PPP2R3C: variants seen among roughly 807,000 people sequenced by gnomAD.
PPP2R3C encodes protein phosphatase 2 regulatory subunit B''gamma.
A neutral mutation model predicts 63.7 loss-of-function variants in PPP2R3C; 47 were observed. That is an observed-to-expected ratio of 0.74 (90% confidence interval 0.58 to 0.94). The LOEUF (loss-of-function observed/expected upper bound fraction) is 0.94. Ranked by LOEUF, PPP2R3C falls within the 40% of genes least tolerant of loss-of-function variation. PPP2R3C has a pLI of 0.00. For missense variants in PPP2R3C, 421 were observed against 518.4 expected, an observed-to-expected ratio of 0.81 and a Z score of 1.82; for synonymous variants, 180 against 177.4, an observed-to-expected ratio of 1.01 and a Z score of -0.12.
chr14:35,110,711 G>A (rs2046527282), intron 2 of PPP2R3C, 82 bp from the exon 3 acceptor site: 1 of 837,024 alleles, frequency 1.2e-6, no homozygotes, highest in Admixed American at 2.5e-5. Context: ...TAAAATAACT[G>A]TATGCCACCG....
rs777274757 is a variant in PPP2R3C at position 35,085,697 on chromosome 14, T to C, written c.1255A>G (p.Thr419Ala). 2 of 1,612,544 alleles carry C rather than the reference T, an allele frequency of 1.2e-6. No individual in the cohort carries two copies. Among genetic ancestry groups the C allele is most frequent in the East Asian group, 4.5e-5 (2 of 44,862 alleles). The stretch of plus-strand genomic sequence containing the variant: ...AAATCGATTAGAATGGTGGTTACTG[T>C]GTCTCCTTGATTACTGTTGATTAAA... ...QDLINSNQGD[T>A]VTTILIDLNG... Residue 419 changes from threonine (T) to alanine (A), a missense_variant, in exon 13 of 13, where the codon ACA (threonine) becomes GCA (alanine). Thr to Ala is a moderately conservative substitution (Grantham distance 58). Around this residue, in one of 3 missense-constraint regions of PPP2R3C, gnomAD observed 231 missense variants for 264.8 expected, o/e 0.87. Coordinates refer to ENST00000261475, the MANE Select transcript of PPP2R3C (RefSeq NM_017917.4).
At chr14:35,120,129 G>A (rs1275530207) in intron 1 of PPP2R3C, among the ~76,000 whole-genome samples, 1 of 151,714 alleles carries the variant, frequency 6.6e-6, no homozygotes, top group African/African-American at 2.4e-5. Flanking sequence ...TTGAGCCACC[G>A]CGCCCGGCAT....
intron 6 of PPP2R3C, among the ~76,000 whole-genome samples, chr14:35,103,036 C>T (rs1373344914): frequency 3.3e-5 from 5 of 152,174 alleles, no homozygotes; most frequent in Admixed American, 6.6e-5. Flanking sequence ...GCTGGGATTA[C>T]GGGCATGAGC....
intron 6 of PPP2R3C, chr14:35,099,945 G>A: frequency 6.5e-6 from 1 of 153,618 alleles, no homozygotes. Flanking sequence ...TCACCATGTT[G>A]GCCAGGATGG....
chr14:35,087,836 A>G, intron 12 of PPP2R3C, 115 bp downstream of exon 12: 1 of 798,376 alleles, frequency 1.3e-6, no homozygotes, highest in Non-Finnish European at 2.1e-6. Context: ...CAGAACAAAA[A>G]GCAAACACTT....
intron 1 of PPP2R3C, among the ~76,000 whole-genome samples, chr14:35,119,593 C>T (rs12895365): frequency 0.82 from 124,942 of 152,012 alleles, 51,719 homozygotes; most frequent in Non-Finnish European, 0.87. Flanking sequence ...CTTCCCATCT[C>T]GGCCTCCCAA....
intron 11 of PPP2R3C, among the ~76,000 whole-genome samples, chr14:35,090,711 A>ATTTTT (rs35890780): frequency 2.3e-4 from 25 of 110,330 alleles, no homozygotes; most frequent in African/African-American, 3.2e-4. Flanking sequence ...GCATCTCACA[A>ATTTTT]TTTTTTTTTT....
At chr14:35,119,849 C>CATTTT (rs770084688) in intron 1 of PPP2R3C, among the ~76,000 whole-genome samples, 8 of 117,016 alleles carry the variant, frequency 6.8e-5, no homozygotes, top group Non-Finnish European at 1.2e-4. Context: ...GACAGTTCAT[C>CATTTT]TTTTTTTTTT....
At chr14:35,112,441 C>T (rs1307389729) in intron 2 of PPP2R3C, among the ~76,000 whole-genome samples, 2 of 152,180 alleles carry the variant, frequency 1.3e-5, no homozygotes, top group Non-Finnish European at 2.9e-5. Flanking sequence ...TCCTTTTCTA[C>T]ATCTTAGCCC....
intron 2 of PPP2R3C, among the ~76,000 whole-genome samples, chr14:35,112,120 G>A (rs2046580256): frequency 6.6e-6 from 1 of 152,152 alleles, no homozygotes; most frequent in Admixed American, 6.6e-5. Context: ...GTTGAGATTG[G>A]ATCACCTTTC....
intron 1 of PPP2R3C, among the ~76,000 whole-genome samples, chr14:35,120,411 AT>A (rs1179085906): frequency 1.3e-5 from 2 of 150,906 alleles, no homozygotes; most frequent in African/African-American, 2.4e-5. Flanking sequence ...CTACCGGGTA[AT>A]TTTTTTGTAT....
intron 6 of PPP2R3C, chr14:35,102,344 T>C (rs1194953946): frequency 6.6e-6 from 1 of 152,164 alleles, no homozygotes; most frequent in African/African-American, 2.4e-5. Flanking sequence ...ATACTTATTT[T>C]AACAATGTTA....
At chr14:35,117,036 C>A in intron 1 of PPP2R3C, 1 of 457,032 alleles carries the variant, frequency 2.2e-6, no homozygotes, top group Non-Finnish European at 4.4e-6. Context: ...TAGAGTGCTC[C>A]TAATTCATTC....
chr14:35,095,286 A>C, intron 9 of PPP2R3C, 102 bp from the exon 10 acceptor site: 2 of 1,194,254 alleles, frequency 1.7e-6, no homozygotes, highest in Non-Finnish European at 2.4e-6. Flanking sequence ...TTTGATTTTC[A>C]AACTATTCAT....
intron 6 of PPP2R3C, among the ~76,000 whole-genome samples, chr14:35,103,075 T>A (rs564495185): frequency 6.6e-6 from 1 of 152,278 alleles, no homozygotes; most frequent in South Asian, 2.1e-4. Context: ...TTTGAGTTCC[T>A]TACATCCTCC....
At chr14:35,112,078 T>C (rs2046578926) in intron 2 of PPP2R3C, among the ~76,000 whole-genome samples, 1 of 152,232 alleles carries the variant, frequency 6.6e-6, no homozygotes, top group South Asian at 2.1e-4. Context: ...AAACCATTTA[T>C]TCTTCTTGTC....
In PPP2R3C at chr14:35,114,356, G is replaced by C. The variant is rs561052323; in HGVS notation, c.186+2254C>G. 2.0e-5 allele frequency among the ~76,000 whole-genome samples: 3 copies of C among 152,252 alleles called. No individual in the cohort carries two copies. In the South Asian group the frequency reaches 6.2e-4, roughly 32 times the overall value. The stretch of plus-strand genomic sequence containing the variant: ...CATATGATTCTTAAAAGGTTGAGAA[G>C]TATATAGTATTATAGGAAGGTTTCC... On this transcript the variant is annotated intron_variant, in intron 2 of 12. Coordinates refer to ENST00000261475, the MANE Select transcript of PPP2R3C (RefSeq NM_017917.4).
At chr14:35,090,534 C>T (rs148526018) in intron 11 of PPP2R3C, among the ~76,000 whole-genome samples, 6 of 152,036 alleles carry the variant, frequency 3.9e-5, no homozygotes, top group South Asian at 2.1e-4. Flanking sequence ...ATAAAAATCA[C>T]GAGTTAGGTA....
chr14:35,091,331 G>T, intron 10 of PPP2R3C, 124 bp from the exon 11 acceptor site: 1 of 939,374 alleles, frequency 1.1e-6, no homozygotes. Flanking sequence ...CCTAAGTTAT[G>T]ATATGAGAAA....
Sources: allele counts gnomAD v4.1 joint callset (sites outside exome capture counted in the v4.1 genomes callset), GRCh38; gene constraint gnomAD v4.1.1; regional missense constraint gnomAD v4.1.1; transcripts MANE v1.5; gene names NCBI Gene and HGNC (gene_info 2026-07-23, HGNC 2026-07-21).